The following PRMT8 variants were observed in gnomAD, a reference collection of about 807,000 sequenced individuals.
The protein encoded by PRMT8 is protein arginine N-methyltransferase 8.
PRMT8 carries 7 observed loss-of-function variants against 47.1 expected under a neutral mutation model. That is an observed-to-expected ratio of 0.15 (90% CI 0.08 to 0.28). PRMT8 has a LOEUF of 0.28. PRMT8 is among the 10% of genes least tolerant of loss of function. The probability of loss-of-function intolerance (pLI) is 1.00; values close to 1 mark genes in which losing one functional copy is unlikely to be tolerated. For synonymous variants in PRMT8, 188 were observed against 186.5 expected (o/e 1.01, Z -0.07); for missense variants, 237 against 505.4 (o/e 0.47, Z 5.09).
intron 1 of PRMT8, among the ~76,000 whole-genome samples, chr12:3,433,672 C>T (rs940833599): frequency 6.6e-6 from 1 of 152,016 alleles, no homozygotes; most frequent in Non-Finnish European, 1.5e-5. Flanking sequence ...AGTGCAGTGG[C>T]GCGATCTCGG....
At chr12:3,387,415 A>C (rs1280882366) in intron 1 of PRMT8, among the ~76,000 whole-genome samples, 3 of 152,344 alleles carry the variant, frequency 2.0e-5, no homozygotes, top group Admixed American at 6.5e-5. Flanking sequence ...TCATCCTCTC[A>C]GCATCCCTTT....
chr12:3,440,681 A>G (rs1292321300), intron 1 of PRMT8, among the ~76,000 whole-genome samples: 1 of 152,136 alleles, frequency 6.6e-6, no homozygotes, highest in African/African-American at 2.4e-5. Flanking sequence ...GCTCCATTAC[A>G]TTGTATTATT....
chr12:3,413,997 GA>G (rs1402053971), intron 1 of PRMT8, among the ~76,000 whole-genome samples: 2 of 152,246 alleles, frequency 1.3e-5, no homozygotes, highest in East Asian at 3.9e-4. Flanking sequence ...AGGGATGACT[GA>G]TTTATGTATC....
chr12:3,473,006 C>A (rs1865175389), intron 1 of PRMT8, among the ~76,000 whole-genome samples: 1 of 152,150 alleles, frequency 6.6e-6, no homozygotes, highest in Admixed American at 6.5e-5. Context: ...CCCACCCCAC[C>A]TCCAGCTCTT....
At chr12:3,483,160 C>CCA (rs1417345068) in intron 1 of PRMT8, among the ~76,000 whole-genome samples, 1 of 152,132 alleles carries the variant, frequency 6.6e-6, no homozygotes, top group African/African-American at 2.4e-5. Context: ...TGGGTGTGCT[C>CCA]CACGGGAAGC....
Position 3,453,485 on chromosome 12 carries a change from G to A in PRMT8, c.48+72043G>A, listed in dbSNP as rs1864942232. Among the ~76,000 whole-genome samples the A allele has an allele frequency of 6.6e-6, 1 of 152,198 alleles. No homozygotes were observed. The highest frequency in any genetic ancestry group is 6.5e-5 in the Admixed American group (1 of 15,288). On this transcript the variant is annotated intron_variant, in intron 1 of 9. Coordinates refer to the PRMT8 transcript ENST00000452611. This position sits in a 1 kb window ranked among gnomAD's most constrained non-coding sequence, Gnocchi z 4.9. ...CCTGGAGGCTACTGCTGCTGGGACT[G>A]TGCGGTGCCGTAGGACATGATTTCT...
chr12:3,434,149 G>A (rs1864712015), intron 1 of PRMT8, among the ~76,000 whole-genome samples: 1 of 152,108 alleles, frequency 6.6e-6, no homozygotes, highest in South Asian at 2.1e-4. Context: ...TTGTGAACTC[G>A]AGGTCTAGTC....
At chr12:3,443,357 C>CT (rs1864823240) in intron 1 of PRMT8, among the ~76,000 whole-genome samples, 1 of 152,216 alleles carries the variant, frequency 6.6e-6, no homozygotes, top group Non-Finnish European at 1.5e-5. Flanking sequence ...CCCAAACCGG[C>CT]TTTGTCTCTC....
At chr12:3,590,688 G>A (rs1867279233) in intron 8 of PRMT8, among the ~76,000 whole-genome samples, 2 of 151,740 alleles carry the variant, frequency 1.3e-5, no homozygotes, top group Admixed American at 1.3e-4. Flanking sequence ...AAACCAAGAG[G>A]AACTTCCTGT....
chr12:3,520,064 G>C (rs1292810324), intron 1 of PRMT8, among the ~76,000 whole-genome samples: 3 of 152,198 alleles, frequency 2.0e-5, no homozygotes, highest in African/African-American at 7.2e-5. Context: ...GAGGTGGGTT[G>C]TATGAAAGTT....
intron 1 of PRMT8, among the ~76,000 whole-genome samples, chr12:3,520,808 T>C (rs1443468038): frequency 1.3e-5 from 2 of 152,188 alleles, no homozygotes; most frequent in Non-Finnish European, 2.9e-5. Context: ...TAATTCCAAA[T>C]ATGCCTATGG....
At chr12:3,487,338 C>T (rs1171419556), upstream of PRMT8, among the ~76,000 whole-genome samples, 4 of 83,336 alleles carry the variant, frequency 4.8e-5, no homozygotes, top group African/African-American at 2.0e-4. Flanking sequence ...TGAGATTTCC[C>T]AGGCAGCATG....
intron 1 of PRMT8, among the ~76,000 whole-genome samples, chr12:3,518,317 C>T (rs1224242265): frequency 1.3e-5 from 2 of 151,928 alleles, no homozygotes; most frequent in African/African-American, 4.8e-5. Flanking sequence ...CTAATGTGCG[C>T]CCTCCTAGAG....
chr12:3,567,766 G>A (rs1371036767), intron 4 of PRMT8, among the ~76,000 whole-genome samples: 1 of 152,222 alleles, frequency 6.6e-6, no homozygotes, highest in East Asian at 1.9e-4. Flanking sequence ...CAGTCTTGCT[G>A]ATAACTTGGT....
intron 5 of PRMT8, 114 bp downstream of exon 5, chr12:3,568,962 G>A: frequency 2.1e-6 from 3 of 1,398,132 alleles, no homozygotes; most frequent in Non-Finnish European, 2.9e-6. Flanking sequence ...AGGCCAGGAG[G>A]TCACTGCCCC....
chr12:3,428,930 GTC>G (rs1864640514), intron 1 of PRMT8, among the ~76,000 whole-genome samples: 1 of 131,708 alleles, frequency 7.6e-6, no homozygotes, highest in African/African-American at 2.9e-5. Context: ...CTCCATCTTT[GTC>G]TCTCTGTCTC....
intron 1 of PRMT8, among the ~76,000 whole-genome samples, chr12:3,459,507 C>T (rs1865016571): frequency 6.6e-6 from 1 of 152,214 alleles, no homozygotes. Context: ...CAAGTGCAGG[C>T]ATGATTTTTT....
intron 1 of PRMT8, among the ~76,000 whole-genome samples, chr12:3,443,088 C>G (rs1182431053): frequency 6.6e-6 from 1 of 152,140 alleles, no homozygotes; most frequent in African/African-American, 2.4e-5. Flanking sequence ...GGAATTAACA[C>G]CTATGTGTTT....
intron 1 of PRMT8, among the ~76,000 whole-genome samples, chr12:3,523,542 C>G (rs1167674058): frequency 3.3e-5 from 5 of 152,262 alleles, no homozygotes; most frequent in South Asian, 4.1e-4. Flanking sequence ...ATTAAAATAA[C>G]TAACTTAAGG....
Sources: gnomAD v4.1 joint callset for allele counts (sites outside exome capture counted in the v4.1 genomes callset) on GRCh38, gnomAD v4.1.1 for gene constraint, Gnocchi (gnomAD v3.1) non-coding constraint, MANE v1.5 for transcripts, NCBI Gene and HGNC (gene_info 2026-07-23, HGNC 2026-07-21) for gene names.